Variants in MALRD1 observed in about 807,000 individuals in gnomAD.
The protein encoded by MALRD1 is MAM and LDL receptor class A domain containing 1, also known as MAM and LDL-receptor class A domain-containing protein 1.
In MALRD1, 247 loss-of-function variants were observed where a neutral mutation model predicts 242.1. The observed-to-expected ratio is 1.02, with a 90% confidence interval of 0.92 to 1.13. The LOEUF (loss-of-function observed/expected upper bound fraction) is 1.13. Among genes scored for constraint, MALRD1 ranks in the 50% most tolerant of loss-of-function variants. MALRD1 has a pLI of 0.00. For synonymous variants in MALRD1, 995 were observed against 866.6 expected (o/e 1.15, Z -2.60); for missense variants, 2,989 against 2,533.1 (o/e 1.18, Z -3.86).
Position 19,094,520 on chromosome 10 carries a change from C to T in MALRD1, c.597+6335C>T, listed in dbSNP as rs964953232. 2.1e-3 allele frequency among the ~76,000 whole-genome samples: 321 copies of T among 150,828 alleles called. 1 individual carries two copies. The highest frequency in any genetic ancestry group is 7.5e-3 in the African/African-American group (306 of 40,958). The stretch of plus-strand genomic sequence containing the variant: ...ACTCCCTAGTGAGATGAACCCGGTA[C>T]CTCAGATGGAAATGCAGAAATCACC... On this transcript the variant is annotated intron_variant, in intron 4 of 39. Transcript: ENST00000454679.
chr10:19,472,808 A>G (rs1159842220), intron 29 of MALRD1, among the ~76,000 whole-genome samples: 1 of 151,242 alleles, frequency 6.6e-6, no homozygotes, highest in Non-Finnish European at 1.5e-5. Context: ...AAGGTTTATC[A>G]ATTTTTTATG....
At chr10:19,502,148 A>C (rs1426977174) in intron 31 of MALRD1, among the ~76,000 whole-genome samples, 1 of 152,118 alleles carries the variant, frequency 6.6e-6, no homozygotes, top group Non-Finnish European at 1.5e-5. Flanking sequence ...GAATATATTA[A>C]GGTTTGCCAC....
intron 24 of MALRD1, 62 bp downstream of exon 24, chr10:19,331,644 C>A: frequency 7.5e-7 from 1 of 1,330,868 alleles, no homozygotes; most frequent in Non-Finnish European, 1.0e-6. Flanking sequence ...TACTCAATAT[C>A]TGTGTTTATT....
At chr10:19,515,546 T>A (rs952653938) in intron 31 of MALRD1, among the ~76,000 whole-genome samples, 3 of 151,516 alleles carry the variant, frequency 2.0e-5, no homozygotes, top group African/African-American at 7.3e-5. Context: ...CAACTTTCTC[T>A]TTTTTTTAAT....
intron 14 of MALRD1, among the ~76,000 whole-genome samples, chr10:19,193,061 A>G (rs1005366378): frequency 1.3e-5 from 2 of 151,926 alleles, no homozygotes; most frequent in African/African-American, 4.8e-5. Context: ...ATATAGCTTT[A>G]TATTCTTTTC....
In MALRD1 at chr10:19,668,322, A is replaced by G. The variant is rs145254447; in HGVS notation, c.6138-23960A>G. Among the ~76,000 whole-genome samples, 677 of 152,292 alleles carry G rather than the reference A, an allele frequency of 4.4e-3. 6 individuals are homozygous for G. The highest frequency in any genetic ancestry group is 0.015 in the African/African-American group (620 of 41,564). On this transcript the variant is annotated intron_variant, in intron 36 of 39. Transcript: ENST00000454679. ...TGGAAGTATTTCTCAATGGGGAGGC[A>G]AAATGACACCAGAATGAAGCCTCGA...
At chr10:19,119,196 G>A (rs1456926494) in intron 5 of MALRD1, among the ~76,000 whole-genome samples, 1 of 152,140 alleles carries the variant, frequency 6.6e-6, no homozygotes, top group Non-Finnish European at 1.5e-5. Flanking sequence ...TAACTAGAAG[G>A]ATGGAGTTTC....
At chr10:19,602,291 A>C (rs1838392724) in intron 34 of MALRD1, among the ~76,000 whole-genome samples, 2 of 143,218 alleles carry the variant, frequency 1.4e-5, no homozygotes, top group African/African-American at 5.3e-5. Context: ...GGTGTGCTGC[A>C]CCCATTAACT....
rs1344880626 is a variant in MALRD1 at position 19,209,486 on chromosome 10, C to G, written c.2797C>G (p.Leu933Val). The G allele has an allele frequency of 6.4e-7, 1 of 1,550,816 alleles. No individual in the cohort carries two copies. Residue 933 changes from leucine (L) to valine (V), a missense_variant, in exon 18 of 40, where the codon CTT becomes GTT. Leu to Val is a conservative substitution (Grantham distance 32). Coordinates refer to ENST00000454679, the MANE Select transcript of MALRD1 (RefSeq NM_001142308.3). ...QDSAALLSPILNATDTKGCTF... is the reference protein window; with the variant it reads ...QDSAALLSPIVNATDTKGCTF... ...CAGTGCTGCCTTACTCAGCCCAATC[C>G]TTAATGCCACTGATACAAAAGGCTG...
intron 14 of MALRD1, among the ~76,000 whole-genome samples, chr10:19,184,120 G>A (rs74118833): frequency 0.01 from 1,554 of 152,294 alleles, 26 homozygotes; most frequent in African/African-American, 0.035. Context: ...TGGACATAGC[G>A]AAATTACAGT....
chr10:19,344,285 T>C (rs748048666), intron 24 of MALRD1, among the ~76,000 whole-genome samples: 8 of 152,120 alleles, frequency 5.3e-5, no homozygotes, highest in Non-Finnish European at 8.8e-5. Context: ...TTGTATGATA[T>C]TACATTTTAC....
At chr10:19,075,537 T>A (rs1431462466) in intron 2 of MALRD1, among the ~76,000 whole-genome samples, 1 of 151,960 alleles carries the variant, frequency 6.6e-6, no homozygotes, top group Non-Finnish European at 1.5e-5. Context: ...CCTCTAAAAG[T>A]GGAGAACAAT....
At chr10:19,219,626 G>A (rs1299694171) in intron 18 of MALRD1, among the ~76,000 whole-genome samples, 1 of 152,016 alleles carries the variant, frequency 6.6e-6, no homozygotes, top group African/African-American at 2.4e-5. Flanking sequence ...TTATACATAT[G>A]TTGCCCAAGC....
intron 31 of MALRD1, among the ~76,000 whole-genome samples, chr10:19,504,766 T>C (rs916018126): frequency 7.2e-6 from 1 of 138,966 alleles, no homozygotes; most frequent in East Asian, 2.3e-4. Flanking sequence ...CACTGCAAGC[T>C]CCGCTTCCCG....
chr10:19,347,775 C>T lies in MALRD1; in HGVS notation c.3906C>T (p.Thr1302=), dbSNP rs1296337577. Residue 1302 remains threonine, a synonymous_variant, in exon 25 of 40, where the codon ACC becomes ACT. Transcript: ENST00000454679. ...NSDETTFICR[T]SSGRCDFEFD... is the part of the protein sequence containing the mutation. ...ATATTTGGAAATATTTTCCAGGTACCTCCAGTGGGCGCTGTGATTTCGAAT... is the reference window on the plus strand; with the variant it reads ...ATATTTGGAAATATTTTCCAGGTACTTCCAGTGGGCGCTGTGATTTCGAAT... 1.1e-5 allele frequency: 17 copies of T among 1,549,960 alleles called. No individual in the cohort carries two copies. The highest frequency in any genetic ancestry group is 2.7e-5 in the African/African-American group (2 of 72,984).
intron 14 of MALRD1, among the ~76,000 whole-genome samples, chr10:19,176,536 G>T (rs1017225620): frequency 6.7e-6 from 1 of 148,902 alleles, no homozygotes; most frequent in Non-Finnish European, 1.5e-5. Flanking sequence ...CACCGCGCCC[G>T]GCTAATTTTT....
At chr10:19,172,926 A>G (rs1210428832) in intron 13 of MALRD1, among the ~76,000 whole-genome samples, 4 of 152,016 alleles carry the variant, frequency 2.6e-5, no homozygotes, top group Non-Finnish European at 2.9e-5. Context: ...TTCAAAACCT[A>G]TGTTATTTTC....
At chr10:19,645,845 T>A (rs1001995790) in intron 36 of MALRD1, among the ~76,000 whole-genome samples, 4 of 152,278 alleles carry the variant, frequency 2.6e-5, no homozygotes, top group African/African-American at 9.6e-5. Flanking sequence ...AACCTGCACG[T>A]TGTGCACATG....
At chr10:19,530,191 G>A (rs1834291503) in intron 31 of MALRD1, among the ~76,000 whole-genome samples, 1 of 150,754 alleles carries the variant, frequency 6.6e-6, no homozygotes, top group African/African-American at 2.4e-5. Context: ...TGGTCTGTGG[G>A]AGAGGTATGA....
Sources: gnomAD v4.1 joint callset for allele counts (sites outside exome capture counted in the v4.1 genomes callset) on GRCh38, gnomAD v4.1.1 for gene constraint, MANE v1.5 for transcripts, NCBI Gene and HGNC (gene_info 2026-07-23, HGNC 2026-07-21) for gene names.